The following F11 variants were observed in gnomAD, a reference collection of about 807,000 sequenced individuals.
The protein encoded by F11 is coagualtion factor XI.
In F11, 78 loss-of-function variants were observed where a neutral mutation model predicts 76.5. That is an observed-to-expected ratio of 1.02 (90% CI 0.85 to 1.23). F11 has a LOEUF of 1.23. Ranked by LOEUF, F11 falls within the 50% of genes most tolerant of loss-of-function variation. The pLI, the probability that F11 is intolerant of heterozygous loss-of-function variation, is 0.00. For synonymous variants in F11, 278 were observed against 276.3 expected (o/e 1.01, Z -0.06); for missense variants, 742 against 771.4 (o/e 0.96, Z 0.45).
intron 5 of F11, chr4:186,275,043 C>G: frequency 3.4e-6 from 1 of 297,732 alleles, no homozygotes; most frequent in Non-Finnish European, 6.9e-6. Flanking sequence ...GTGAAAAACA[C>G]ACACACCAAA....
At chr4:186,275,005 TCAA>T (rs1339631693) in intron 5 of F11, 1 of 262,678 alleles carries the variant, frequency 3.8e-6, no homozygotes, top group Admixed American at 4.4e-5. Flanking sequence ...AAACAAAGCA[TCAA>T]CGAGTTATTT....
intron 5 of F11, chr4:186,275,257 G>A (rs553560155): frequency 7.3e-4 from 326 of 449,226 alleles, no homozygotes; most frequent in Non-Finnish European, 1.2e-3. Context: ...TTGGGAGGCC[G>A]AGGCGGGCAG....
intron 10 of F11, chr4:186,282,191 A>G: frequency 3.7e-6 from 4 of 1,066,856 alleles, no homozygotes; most frequent in Non-Finnish European, 4.6e-6. Context: ...TACATTGCAG[A>G]CTGCATTTTC....
chr4:186,272,263 T>C (rs1561480534), intron 3 of F11, among the ~76,000 whole-genome samples: 1 of 152,216 alleles, frequency 6.6e-6, no homozygotes, highest in East Asian at 1.9e-4. Context: ...TTTGTATACA[T>C]GTTTAACCGT....
At chr4:186,266,734 A>G (rs1430621728) in intron 1 of F11, among the ~76,000 whole-genome samples, 1 of 152,194 alleles carries the variant, frequency 6.6e-6, no homozygotes, top group African/African-American at 2.4e-5. Context: ...GCTCTTTGAA[A>G]GATATAGGGA....
intron 2 of F11, among the ~76,000 whole-genome samples, chr4:186,269,086 G>A (rs538398516): frequency 6.6e-6 from 1 of 152,276 alleles, no homozygotes; most frequent in African/African-American, 2.4e-5. Context: ...ATGAACATAT[G>A]TACAAATGTC....
At chr4:186,279,396 A>AT (rs58135560) in intron 7 of F11, among the ~76,000 whole-genome samples, 44 of 151,558 alleles carry the variant, frequency 2.9e-4, no homozygotes, top group East Asian at 1.2e-3. Flanking sequence ...AAAAAAAAAA[A>AT]TTTTAAATAA....
At chr4:186,274,994 C>T (rs1295893114) in intron 5 of F11, 2 of 251,218 alleles carry the variant, frequency 8.0e-6, no homozygotes, top group Non-Finnish European at 1.7e-5. Context: ...GAACAGAAAG[C>T]AAACAAAGCA....
At chr4:186,287,591 A>AT (rs1554083992) in intron 13 of F11, 93 bp from the exon 14 acceptor site, 6 of 424,772 alleles carry the variant, frequency 1.4e-5, no homozygotes, top group African/African-American at 2.3e-5. Flanking sequence ...CTCAATTAAA[A>AT]ATATATATAT....
At chr4:186,283,944 T>G in intron 10 of F11, 148 bp from the exon 11 acceptor site, 1 of 1,244,106 alleles carries the variant, frequency 8.0e-7, no homozygotes, top group South Asian at 1.3e-5. Context: ...ATGTTTTGCT[T>G]TGGCAGCTTG....
chr4:186,282,359 T>G, intron 10 of F11: 1 of 985,108 alleles, frequency 1.0e-6, no homozygotes, highest in Non-Finnish European at 1.2e-6. Flanking sequence ...TTGGAGGGAG[T>G]GAATTAGATA....
At position 186,271,534 on chromosome 4, in the gene F11, T is replaced by C. The variant is rs1404436020; in HGVS notation, c.56-75T>C. ...GGTAAGTAGAGCTACTTGCCTTGCCTTTATGAGATTACCACCTAACTAGAT... is the reference window on the plus strand; with the variant it reads ...GGTAAGTAGAGCTACTTGCCTTGCCCTTATGAGATTACCACCTAACTAGAT... On this transcript the variant is annotated intron_variant, in intron 2 of 14. Transcript: ENST00000403665. 3 of 1,552,284 alleles carry C rather than the reference T, an allele frequency of 1.9e-6. No individual in the cohort carries two copies. The African/African-American group carries it at 4.1e-5, about 21-fold the overall frequency.
chr4:186,274,246 C>A lies in F11; in HGVS notation c.456C>A (p.Ala152=), dbSNP rs750022494. Residue 152 remains alanine (A), a synonymous_variant, in exon 5 of 15, where the codon GCC becomes GCA. Transcript: ENST00000403665. ...DDVHCHFFTY[A]TRQFPSLEHR... ...TCCACTGCCACTTTTTCACGTACGC[C>A]ACAAGGCAGTTTCCCAGCCTGGAGC... 11 of 1,614,192 alleles carry A rather than the reference C, an allele frequency of 6.8e-6. No individual in the cohort carries two copies. Among genetic ancestry groups the A allele is most frequent in the Non-Finnish European group, 9.3e-6 (11 of 1,180,046 alleles).
At chr4:186,290,127 T>C (rs1741474072), downstream of F11, among the ~76,000 whole-genome samples, 1 of 151,614 alleles carries the variant, frequency 6.6e-6, no homozygotes, top group Non-Finnish European at 1.5e-5. Flanking sequence ...ACAAAATATA[T>C]AGGTTCAAGC....
intron 10 of F11, 48 bp from the exon 11 acceptor site, chr4:186,284,044 T>C (rs992157457): frequency 1.2e-6 from 2 of 1,613,714 alleles, no homozygotes; most frequent in Non-Finnish European, 1.7e-6. Flanking sequence ...TAATTACTGA[T>C]GGAAAGGAAG....
At position 186,280,579 on chromosome 4, in the gene F11, T is replaced by C; in HGVS notation, c.1134T>C (p.Asn378=). Residue 378 remains asparagine (N), a splice_region_variant and synonymous_variant, in exon 10 of 15, where the codon AAT becomes AAC. Coordinates refer to ENST00000403665, the MANE Select transcript of F11 (RefSeq NM_000128.4). Reference sequence around the variant, plus strand: ...CATTAAGGTTGTGTAAAATGGATAATGGTGAGTATAATGTCACTTGAAAAA... The same window carrying C: ...CATTAAGGTTGTGTAAAATGGATAACGGTGAGTATAATGTCACTTGAAAAA... ...GYTLRLCKMD[N]ECTTKIKPRI... 1 of 1,606,518 alleles carries C rather than the reference T, an allele frequency of 6.2e-7. No individual in the cohort carries two copies. The highest frequency in any genetic ancestry group is 8.5e-7 in the Non-Finnish European group (1 of 1,173,098).
rs150740962 is a variant in F11, at chr4:186,288,843, C to T, written c.*229C>T. The T allele has an allele frequency of 6.4e-5, 34 of 532,728 alleles. No individual in the cohort carries two copies. In the East Asian group the frequency reaches 1.0e-3, roughly 16 times the overall value. 33.0% of individuals were successfully genotyped at this position (532,728 alleles called of 1,614,324 possible). On this transcript the variant is annotated 3_prime_UTR_variant, in exon 15 of 15. Transcript: ENST00000403665. ...CATTCAGTCTCTTTGTTTTTGATCA[C>T]GCTTCTATGGAGTCCAAGAATTACC... is the stretch of plus-strand genomic sequence containing the variant.
At chr4:186,280,186 G>A (rs753159474) in intron 8 of F11, 37 bp from the exon 9 acceptor site, 4 of 1,613,972 alleles carry the variant, frequency 2.5e-6, no homozygotes, top group Non-Finnish European at 3.4e-6. Context: ...TACATGCTGA[G>A]GGAGGGTCTC....
At chr4:186,276,704 A>C (rs1222722310) in intron 7 of F11, among the ~76,000 whole-genome samples, 1 of 148,642 alleles carries the variant, frequency 6.7e-6, no homozygotes. Context: ...CTCCTGCCTC[A>C]GCCTCCTGAG....
Sources: allele counts gnomAD v4.1 joint callset (sites outside exome capture counted in the v4.1 genomes callset), GRCh38; gene constraint gnomAD v4.1.1; transcripts MANE v1.5; gene names NCBI Gene and HGNC (gene_info 2026-07-23, HGNC 2026-07-21).